The following CNTNAP2 variants were observed in gnomAD, a reference collection of about 807,000 sequenced individuals.
CNTNAP2 encodes the protein contactin associated protein 2.
A neutral mutation model predicts 155.2 loss-of-function variants in CNTNAP2; 98 were observed. That is an observed-to-expected ratio of 0.63 (90% CI 0.54 to 0.75). The LOEUF is 0.75. CNTNAP2 is among the 30% of genes least tolerant of loss of function. CNTNAP2 has a pLI of 0.00. For missense variants in CNTNAP2, 1,727 were observed against 1,688.1 expected (o/e 1.02, Z -0.40); for synonymous variants, 651 against 631.2 (o/e 1.03, Z -0.47).
intron 8 of CNTNAP2, among the ~76,000 whole-genome samples, chr7:147,198,232 C>CTTTTTTT (rs71525992): frequency 0.01 from 1,167 of 113,016 alleles, 50 homozygotes; most frequent in African/African-American, 0.022. Flanking sequence ...TTCCAATATC[C>CTTTTTTT]TTTTTTTTTT....
At chr7:146,419,667 C>T (rs1795984984) in intron 1 of CNTNAP2, among the ~76,000 whole-genome samples, 1 of 152,050 alleles carries the variant, frequency 6.6e-6, no homozygotes, top group African/African-American at 2.4e-5. Context: ...TGAAAAGGTG[C>T]TTAACAACAT....
chr7:146,847,370 A>G (rs1794774080), intron 3 of CNTNAP2, among the ~76,000 whole-genome samples: 1 of 152,128 alleles, frequency 6.6e-6, no homozygotes, highest in African/African-American at 2.4e-5. Context: ...AGATTATACA[A>G]TTTTGGTAAC....
At chr7:146,656,134 A>T (rs992548923) in intron 1 of CNTNAP2, among the ~76,000 whole-genome samples, 3 of 152,210 alleles carry the variant, frequency 2.0e-5, no homozygotes, top group Non-Finnish European at 4.4e-5. Context: ...CACCAAAACA[A>T]CCTTCAATCA....
intron 3 of CNTNAP2, among the ~76,000 whole-genome samples, chr7:146,908,217 GC>G (rs1211155449): frequency 6.7e-6 from 1 of 150,170 alleles, no homozygotes; most frequent in African/African-American, 2.5e-5. Flanking sequence ...CTTTAACACC[GC>G]ACTGTCAACA....
At chr7:148,076,016 C>G (rs1803477062) in intron 15 of CNTNAP2, among the ~76,000 whole-genome samples, 2 of 152,050 alleles carry the variant, frequency 1.3e-5, no homozygotes, top group South Asian at 4.1e-4. Context: ...CAAGTAAACA[C>G]CTGTAAAGGA....
chr7:148,194,497 G>A (rs1401687803), intron 18 of CNTNAP2, among the ~76,000 whole-genome samples: 1 of 152,104 alleles, frequency 6.6e-6, no homozygotes, highest in Non-Finnish European at 1.5e-5. Context: ...AGAACCAGTA[G>A]GATAAGTATA....
chr7:146,421,517 A>G (rs951846497), intron 1 of CNTNAP2, among the ~76,000 whole-genome samples: 13 of 152,028 alleles, frequency 8.6e-5, no homozygotes, highest in Non-Finnish European at 1.6e-4. Flanking sequence ...ATGCAGGTGC[A>G]AATGTAATTC....
At position 147,698,267 on chromosome 7, in the gene CNTNAP2, T is replaced by A. The variant is rs548218043; in HGVS notation, c.2098+58961T>A. Among the ~76,000 whole-genome samples, 52 of 152,140 alleles carry A rather than the reference T, an allele frequency of 3.4e-4. 1 individual carries two copies. The highest frequency in any genetic ancestry group is 2.3e-3 in the Admixed American group (35 of 15,272). Reference sequence around the variant, plus strand: ...TACATGCCAGATCAGAAATCAGGAGTTTATACTTTATTTTTCAGTTATGGC... The same window carrying A: ...TACATGCCAGATCAGAAATCAGGAGATTATACTTTATTTTTCAGTTATGGC... On this transcript the variant is annotated intron_variant, in intron 13 of 23. Coordinates refer to ENST00000361727, the MANE Select transcript of CNTNAP2 (RefSeq NM_014141.6).
In CNTNAP2 at chr7:147,986,677, C is replaced by T. The variant is rs920709635; in HGVS notation, c.2383+8688C>T. On this transcript the variant is annotated intron_variant, in intron 15 of 23. Transcript: ENST00000361727. ...CCCAGGGCCAAGATGAATGTTGACA[C>T]CCAAAGAGGAAACTTTGACCTGGAA... Among the ~76,000 whole-genome samples, 9 of 152,242 alleles carry T rather than the reference C, an allele frequency of 5.9e-5. No homozygotes were observed. In the South Asian group the frequency reaches 1.2e-3, roughly 21 times the overall value.
chr7:147,700,307 G>C (rs1032166771), intron 13 of CNTNAP2, among the ~76,000 whole-genome samples: 1 of 152,172 alleles, frequency 6.6e-6, no homozygotes, highest in African/African-American at 2.4e-5. Flanking sequence ...TTAACATTTA[G>C]TGAAATACAG....
At chr7:146,637,319 T>G (rs1799615772) in intron 1 of CNTNAP2, among the ~76,000 whole-genome samples, 1 of 152,224 alleles carries the variant, frequency 6.6e-6, no homozygotes, top group African/African-American at 2.4e-5. Flanking sequence ...AAGTTTTAAT[T>G]AAACAAAGGA....
intron 3 of CNTNAP2, among the ~76,000 whole-genome samples, chr7:146,938,466 T>C (rs1796973949): frequency 6.7e-6 from 1 of 150,274 alleles, no homozygotes; most frequent in Non-Finnish European, 1.5e-5. Context: ...CATATATATG[T>C]ATATATAATA....
At chr7:148,350,209 T>C (rs1798403723) in intron 21 of CNTNAP2, among the ~76,000 whole-genome samples, 1 of 150,128 alleles carries the variant, frequency 6.7e-6, no homozygotes, top group African/African-American at 2.5e-5. Context: ...GTATTCGGTG[T>C]GGGGAATGTG....
At position 146,371,685 on chromosome 7, in the gene CNTNAP2, C is replaced by G. The variant is rs548185090; in HGVS notation, c.97+254712C>G. Among the ~76,000 whole-genome samples the G allele has an allele frequency of 1.8e-3, 275 of 151,898 alleles. 2 individuals are homozygous for G. The highest frequency in any genetic ancestry group is 3.3e-3 in the Non-Finnish European group (223 of 67,922). On this transcript the variant is annotated intron_variant, in intron 1 of 23. Coordinates refer to ENST00000361727, the MANE Select transcript of CNTNAP2 (RefSeq NM_014141.6). Reference sequence around the variant, plus strand: ...ATATTTTGCCAGCTGGGCGTGGTGGCTCATGGCTGTAATCGCAGCACTGTG... The same window carrying G: ...ATATTTTGCCAGCTGGGCGTGGTGGGTCATGGCTGTAATCGCAGCACTGTG...
intron 10 of CNTNAP2, among the ~76,000 whole-genome samples, chr7:147,446,573 G>A (rs990481886): frequency 2.6e-5 from 4 of 152,060 alleles, no homozygotes; most frequent in Admixed American, 6.6e-5. Context: ...CCACGACTGC[G>A]AGAGGACCTA....
At chr7:146,318,525 G>A (rs1800948117) in intron 1 of CNTNAP2, among the ~76,000 whole-genome samples, 1 of 152,112 alleles carries the variant, frequency 6.6e-6, no homozygotes, top group African/African-American at 2.4e-5. Flanking sequence ...GAAATAAAAA[G>A]AGATAGTCTT....
intron 1 of CNTNAP2, among the ~76,000 whole-genome samples, chr7:146,727,767 A>G (rs1436815830): frequency 6.6e-6 from 1 of 152,200 alleles, no homozygotes; most frequent in Non-Finnish European, 1.5e-5. Context: ...AGTAGGAGAA[A>G]TATCTGAAGA....
chr7:147,709,393 T>C (rs1309533210), intron 13 of CNTNAP2, among the ~76,000 whole-genome samples: 1 of 152,204 alleles, frequency 6.6e-6, no homozygotes, highest in African/African-American at 2.4e-5. Context: ...TCAGCATCTG[T>C]TTCCCAGACA....
At chr7:148,261,021 T>C (rs1413639532) in intron 20 of CNTNAP2, among the ~76,000 whole-genome samples, 2 of 152,232 alleles carry the variant, frequency 1.3e-5, no homozygotes, top group Non-Finnish European at 2.9e-5. Context: ...TTGTACCGAT[T>C]TCCCTCGGCC....
Sources: gnomAD v4.1 joint callset for allele counts (sites outside exome capture counted in the v4.1 genomes callset) on GRCh38, gnomAD v4.1.1 for gene constraint, MANE v1.5 for transcripts, NCBI Gene and HGNC (gene_info 2026-07-23, HGNC 2026-07-21) for gene names.